ERC1: variants seen among roughly 807,000 people sequenced by gnomAD.
ERC1 encodes RAB6 interacting protein 2.
In ERC1, 56 loss-of-function variants were observed where a neutral mutation model predicts 132.0. The ratio of observed to expected loss-of-function variants is 0.42; its 90% CI spans 0.34 to 0.53. The LOEUF (loss-of-function observed/expected upper bound fraction) is 0.53, where lower values mean the gene tolerates loss of function less well. Ranked by LOEUF, ERC1 falls within the 20% of genes least tolerant of loss-of-function variation. The pLI is 0.03. For synonymous variants in ERC1, 478 were observed against 476.1 expected (o/e 1.00, Z -0.05); for missense variants, 1,202 against 1,349.9 (o/e 0.89, Z 1.72).
intron 15 of ERC1, among the ~76,000 whole-genome samples, chr12:1,345,104 A>G (rs1026561827): frequency 7.2e-5 from 11 of 152,294 alleles, no homozygotes; most frequent in African/African-American, 2.4e-4. Context: ...AAATTAACAT[A>G]TAACATGCCA....
chr12:1,440,665 T>TGTGA (rs2093122727), intron 17 of ERC1, among the ~76,000 whole-genome samples: 1 of 112,430 alleles, frequency 8.9e-6, no homozygotes, highest in Non-Finnish European at 1.8e-5. Context: ...TGTGTGTGTG[T>TGTGA]GTGATGGAGT....
chr12:1,338,129 TTTCAGTTGC>T, intron 15 of ERC1, among the ~76,000 whole-genome samples: 1 of 152,312 alleles, frequency 6.6e-6, no homozygotes, highest in East Asian at 1.9e-4. Flanking sequence ...TGAAATACGT[TTTCAGTTGC>T]TTACGCTCTC....
At chr12:1,033,421 T>G (rs937431786) in intron 2 of ERC1, among the ~76,000 whole-genome samples, 3 of 152,008 alleles carry the variant, frequency 2.0e-5, no homozygotes, top group African/African-American at 7.2e-5. Flanking sequence ...TCCACCTGCC[T>G]TGGCCTCCCA....
chr12:1,103,708 C>A (rs1944927138), intron 3 of ERC1, among the ~76,000 whole-genome samples: 1 of 152,030 alleles, frequency 6.6e-6, no homozygotes, highest in South Asian at 2.1e-4. Context: ...GGTTTGGGGG[C>A]ACCATCAGGA....
intron 8 of ERC1, among the ~76,000 whole-genome samples, 181 bp from the exon 9 acceptor site, chr12:1,180,342 GTTCCTACAAATTTAATT>G (rs927793409): frequency 2.0e-5 from 3 of 151,730 alleles, no homozygotes; most frequent in Non-Finnish European, 4.4e-5. Flanking sequence ...TTGCCTACAA[GTTCCTACAAATTTAATT>G]TGCCTACAAA....
chr12:1,425,702 A>G (rs185651667), intron 17 of ERC1, among the ~76,000 whole-genome samples: 82 of 152,326 alleles, frequency 5.4e-4, no homozygotes, highest in African/African-American at 1.9e-3. Flanking sequence ...TTTTTCTGAC[A>G]GACTTAGTAT....
At chr12:1,238,088 G>T (rs1455673161) in intron 13 of ERC1, among the ~76,000 whole-genome samples, 1 of 151,386 alleles carries the variant, frequency 6.6e-6, no homozygotes, top group Non-Finnish European at 1.5e-5. Flanking sequence ...GCAAAAAGCA[G>T]CATGCCCGTT....
intron 17 of ERC1, among the ~76,000 whole-genome samples, chr12:1,424,934 C>T (rs2092587133): frequency 1.3e-5 from 2 of 151,782 alleles, no homozygotes; most frequent in South Asian, 2.1e-4. Context: ...CTCCACAGGT[C>T]GATAATAGCT....
chr12:1,368,573 T>C (rs896326582), intron 15 of ERC1, among the ~76,000 whole-genome samples: 2 of 152,190 alleles, frequency 1.3e-5, no homozygotes, highest in African/African-American at 4.8e-5. Context: ...GACTATACCA[T>C]ATGGTCCTTT....
At chr12:1,014,298 C>T (rs1049705102) in intron 1 of ERC1, among the ~76,000 whole-genome samples, 1 of 152,064 alleles carries the variant, frequency 6.6e-6, no homozygotes, top group African/African-American at 2.4e-5. Context: ...GACTCAGCCT[C>T]CTGAGTAGCT....
At chr12:1,071,482 G>A (rs1037865946) in intron 2 of ERC1, among the ~76,000 whole-genome samples, 5 of 151,774 alleles carry the variant, frequency 3.3e-5, no homozygotes, top group East Asian at 3.9e-4. Context: ...TTAGAAGAAC[G>A]TTCATCTTCC....
At chr12:1,434,402 C>G (rs1468614963) in intron 17 of ERC1, among the ~76,000 whole-genome samples, 1 of 152,146 alleles carries the variant, frequency 6.6e-6, no homozygotes, top group Non-Finnish European at 1.5e-5. Flanking sequence ...AAACTAGGAG[C>G]CTACTTACTC....
intron 15 of ERC1, among the ~76,000 whole-genome samples, chr12:1,318,832 G>C (rs2081938399): frequency 6.6e-6 from 1 of 152,072 alleles, no homozygotes; most frequent in Non-Finnish European, 1.5e-5. Flanking sequence ...GGGTCTCTCG[G>C]TGAGGCCTCC....
chr12:1,440,371 ATT>A (rs374749122), intron 17 of ERC1, among the ~76,000 whole-genome samples: 121 of 148,162 alleles, frequency 8.2e-4, no homozygotes, highest in East Asian at 3.8e-3. Context: ...CGCCCGGCTA[ATT>A]TTTTTTGTAT....
intron 15 of ERC1, among the ~76,000 whole-genome samples, chr12:1,292,838 C>G (rs2154341109): frequency 6.6e-6 from 1 of 151,602 alleles, no homozygotes; most frequent in African/African-American, 2.4e-5. Context: ...TGGTGAAACC[C>G]CGTCTCTACT....
In ERC1 at chr12:1,444,700, G is replaced by A. The variant is rs377422276; in HGVS notation, c.3163G>A (p.Asp1055Asn). 106 of 1,614,014 alleles carry A rather than the reference G, an allele frequency of 6.6e-5. 1 individual carries two copies. In the East Asian group the frequency reaches 1.2e-3, roughly 18 times the overall value. ...LTPPASYNLD[D>N]DQAAWENELQ... ...TCCACCAGCTTCCTATAACTTGGAC[G>A]ATGACCAGGCGGCTTGGGAGAATGA... The change falls in exon 18 of 19, where the codon GAT becomes AAT. Residue 1055 changes from aspartate to asparagine, a missense_variant. Physicochemically the swap from Asp to Asn is conservative, Grantham distance 23. Coordinates refer to ENST00000360905, the MANE Select transcript of ERC1 (RefSeq NM_178040.4).
chr12:1,093,435 T>A (rs34430461), intron 3 of ERC1, among the ~76,000 whole-genome samples: 28,800 of 152,142 alleles, frequency 0.19, 3,470 homozygotes, highest in Non-Finnish European at 0.25. Flanking sequence ...ACACCAACAT[T>A]TGAGGCCCCA....
intron 10 of ERC1, 151 bp downstream of exon 10, chr12:1,182,216 T>C (rs1461885052): frequency 3.0e-6 from 2 of 673,398 alleles, no homozygotes; most frequent in Admixed American, 6.0e-5. Context: ...TTAAGGAATA[T>C]TTCAGAAAGC....
chr12:1,329,715 A>T (rs2082728359), intron 15 of ERC1, among the ~76,000 whole-genome samples: 1 of 152,230 alleles, frequency 6.6e-6, no homozygotes, highest in South Asian at 2.1e-4. Flanking sequence ...ATACCAAAAT[A>T]AGTGGATGTT....
Sources: gnomAD v4.1 joint callset for allele counts (sites outside exome capture counted in the v4.1 genomes callset) on GRCh38, gnomAD v4.1.1 for gene constraint, MANE v1.5 for transcripts, NCBI Gene and HGNC (gene_info 2026-07-23, HGNC 2026-07-21) for gene names.